Variants in L3MBTL3 observed in about 807,000 individuals in gnomAD.
The protein encoded by L3MBTL3 is L3MBTL histone methyl-lysine binding protein 3.
L3MBTL3 carries 27 observed loss-of-function variants against 102.3 expected under a neutral mutation model. The observed-to-expected ratio is 0.26, with a 90% CI of 0.19 to 0.36. The LOEUF (loss-of-function observed/expected upper bound fraction) is 0.36. L3MBTL3 is among the 10% of genes least tolerant of loss of function. L3MBTL3 has a pLI of 1.00. For missense variants in L3MBTL3, 798 were observed against 955.3 expected, an observed-to-expected ratio of 0.84 and a Z score of 2.17; for synonymous variants, 340 against 320.9, an observed-to-expected ratio of 1.06 and a Z score of -0.64.
chr6:130,060,204 A>T, intron 10 of L3MBTL3, 64 bp downstream of exon 10: 1 of 928,528 alleles, frequency 1.1e-6, no homozygotes, highest in Non-Finnish European at 1.6e-6. Flanking sequence ...TAAAATGAGG[A>T]AAAACTGCCA....
intron 14 of L3MBTL3, among the ~76,000 whole-genome samples, chr6:130,079,889 GTC>G (rs1388178307): frequency 2.0e-5 from 3 of 152,158 alleles, no homozygotes; most frequent in African/African-American, 7.2e-5. Flanking sequence ...AGGGAGGAAA[GTC>G]TCTGTCTTGA....
intron 3 of L3MBTL3, among the ~76,000 whole-genome samples, chr6:130,043,076 T>C (rs112596842): frequency 5.3e-5 from 8 of 152,312 alleles, no homozygotes; most frequent in Middle Eastern, 3.4e-3. Flanking sequence ...AAGGATCATC[T>C]CAGTTTTGAC....
intron 3 of L3MBTL3, among the ~76,000 whole-genome samples, chr6:130,046,084 G>GT (rs749227959): frequency 3.3e-5 from 5 of 152,170 alleles, no homozygotes; most frequent in Non-Finnish European, 5.9e-5. Context: ...TAACTGAGCA[G>GT]TTTCCCTACC....
At chr6:130,034,699 A>G (rs943632205) in intron 2 of L3MBTL3, among the ~76,000 whole-genome samples, 1 of 152,254 alleles carries the variant, frequency 6.6e-6, no homozygotes, top group African/African-American at 2.4e-5. Context: ...TACAGTCTTC[A>G]TAGCACTGAG....
intron 10 of L3MBTL3, among the ~76,000 whole-genome samples, chr6:130,065,749 A>G (rs530693101): frequency 6.6e-6 from 1 of 152,322 alleles, no homozygotes; most frequent in Non-Finnish European, 1.5e-5. Flanking sequence ...ATGACCTTCT[A>G]AATCAGAATG....
At chr6:130,075,297 C>A (rs1331961861) in intron 13 of L3MBTL3, among the ~76,000 whole-genome samples, 1 of 152,006 alleles carries the variant, frequency 6.6e-6, no homozygotes, top group African/African-American at 2.4e-5. Context: ...CACTGGAGGG[C>A]TCTTGGGGAG....
At chr6:130,072,625 C>T (rs955216752) in intron 13 of L3MBTL3, among the ~76,000 whole-genome samples, 1 of 152,190 alleles carries the variant, frequency 6.6e-6, no homozygotes, top group Non-Finnish European at 1.5e-5. Flanking sequence ...TTACTCAGCA[C>T]CAACAATTAT....
chr6:130,068,174 T>C (rs146338518), intron 11 of L3MBTL3, among the ~76,000 whole-genome samples, 156 bp from the exon 12 acceptor site: 219 of 152,330 alleles, frequency 1.4e-3, no homozygotes, highest in African/African-American at 5.2e-3. Context: ...ATAAACATAG[T>C]CTAAATATGC....
intron 2 of L3MBTL3, among the ~76,000 whole-genome samples, chr6:130,027,570 T>C (rs138202944): frequency 1.7e-3 from 256 of 152,184 alleles, no homozygotes; most frequent in African/African-American, 5.4e-3. Flanking sequence ...GATAAGGAGG[T>C]TGGCTACAAA....
chr6:130,060,886 G>A (rs1781850440), intron 10 of L3MBTL3, among the ~76,000 whole-genome samples: 1 of 151,688 alleles, frequency 6.6e-6, no homozygotes, highest in Non-Finnish European at 1.5e-5. Flanking sequence ...CCTCCCAAAA[G>A]AATAAAATAG....
intron 16 of L3MBTL3, 81 bp from the exon 17 acceptor site, chr6:130,092,664 A>T (rs1784130640): frequency 2.6e-6 from 2 of 771,010 alleles, no homozygotes; most frequent in Non-Finnish European, 4.5e-6. Context: ...TAGAATGAAA[A>T]TGGTTATGCT....
At chr6:130,036,527 G>T (rs1398819816) in intron 2 of L3MBTL3, among the ~76,000 whole-genome samples, 2 of 152,174 alleles carry the variant, frequency 1.3e-5, no homozygotes, top group Non-Finnish European at 2.9e-5. Flanking sequence ...CATATTCTGA[G>T]TATTTCTTAA....
chr6:130,034,136 T>C (rs1172699541), intron 2 of L3MBTL3, among the ~76,000 whole-genome samples: 1 of 152,196 alleles, frequency 6.6e-6, no homozygotes, highest in Non-Finnish European at 1.5e-5. Context: ...TGCTCCTCAC[T>C]CTGAGCCTCT....
At chr6:130,048,064 G>A (rs531096991) in intron 3 of L3MBTL3, among the ~76,000 whole-genome samples, 6 of 152,248 alleles carry the variant, frequency 3.9e-5, no homozygotes, top group Admixed American at 1.3e-4. Context: ...ATAGAACATT[G>A]TTTAAGGTGC....
rs763622092 is a variant in L3MBTL3 at position 130,107,516 on chromosome 6, T to TA, written c.1886+2943dup. The stretch of plus-strand genomic sequence containing the variant: ...AATCTCATCTTCATTGAAGCTTCTA[T>TA]AATTCCTGTAAAGTGTCTATAAAAG... On this transcript the variant is annotated intron_variant, in intron 19 of 22. Coordinates refer to ENST00000361794, the MANE Select transcript of L3MBTL3 (RefSeq NM_032438.4). 1.1e-3 allele frequency among the ~76,000 whole-genome samples: 165 copies of TA among 152,306 alleles called. 1 individual carries two copies. Among genetic ancestry groups the TA allele is most frequent in the South Asian group, 1.9e-3 (9 of 4,826 alleles).
At chr6:130,023,418 G>A (rs917995975) in intron 2 of L3MBTL3, among the ~76,000 whole-genome samples, 1 of 152,186 alleles carries the variant, frequency 6.6e-6, no homozygotes, top group Non-Finnish European at 1.5e-5. Flanking sequence ...TAGGGTTCAA[G>A]AAGAGTAAAA....
At chr6:130,121,705 T>G (rs1786221093) in intron 20 of L3MBTL3, among the ~76,000 whole-genome samples, 1 of 151,970 alleles carries the variant, frequency 6.6e-6, no homozygotes, top group South Asian at 2.1e-4. Flanking sequence ...TGTCTTAATC[T>G]AATATCACAA....
At chr6:130,073,123 G>A (rs1222982547) in intron 13 of L3MBTL3, among the ~76,000 whole-genome samples, 1 of 152,010 alleles carries the variant, frequency 6.6e-6, no homozygotes, top group Admixed American at 6.6e-5. Flanking sequence ...ACTTAAAATT[G>A]TTGGGCCTGC....
At chr6:130,073,323 A>G (rs1782752351) in intron 13 of L3MBTL3, among the ~76,000 whole-genome samples, 1 of 152,160 alleles carries the variant, frequency 6.6e-6, no homozygotes. Context: ...TAACTTTGGA[A>G]ACAGTCTAAA....
Sources: gnomAD v4.1 joint callset for allele counts (sites outside exome capture counted in the v4.1 genomes callset) on GRCh38, gnomAD v4.1.1 for gene constraint, MANE v1.5 for transcripts, NCBI Gene and HGNC (gene_info 2026-07-23, HGNC 2026-07-21) for gene names.